AKNA: variants seen among roughly 807,000 people sequenced by gnomAD.
AKNA encodes the protein microtubule organization protein AKNA.
AKNA carries 67 observed loss-of-function variants against 138.8 expected under a neutral mutation model. That is an observed-to-expected ratio of 0.48 (90% CI 0.40 to 0.59). The LOEUF (loss-of-function observed/expected upper bound fraction) is 0.59. AKNA is among the 20% of genes least tolerant of loss of function. The pLI, the probability that AKNA is intolerant of heterozygous loss-of-function variation, is 0.00. For synonymous variants in AKNA, 737 were observed against 754.4 expected (o/e 0.98, Z 0.38); for missense variants, 1,813 against 1,880.4 (o/e 0.96, Z 0.66).
chr9:114,389,306 C>A (rs945628870), upstream of AKNA, among the ~76,000 whole-genome samples: 2 of 152,054 alleles, frequency 1.3e-5, no homozygotes, highest in African/African-American at 2.4e-5. Context: ...CACCCAGGAC[C>A]CAGAGACTCT....
At chr9:114,374,212 T>C in intron 3 of AKNA, 45 bp from the exon 4 acceptor site, 1 of 1,533,160 alleles carries the variant, frequency 6.5e-7, no homozygotes, top group Non-Finnish European at 8.8e-7. Flanking sequence ...AGGCACACAA[T>C]GAACCCCTCC....
intron 5 of AKNA, 79 bp from the exon 6 acceptor site, chr9:114,367,776 C>T: frequency 7.0e-7 from 1 of 1,438,528 alleles, no homozygotes. Flanking sequence ...AACGTCAAAG[C>T]CACCACCTCC....
At chr9:114,354,392 C>A (rs910028024) in intron 14 of AKNA, among the ~76,000 whole-genome samples, 1 of 152,116 alleles carries the variant, frequency 6.6e-6, no homozygotes, top group South Asian at 2.1e-4. Context: ...GAATACCTCT[C>A]GAAGGACTAC....
intron 21 of AKNA, among the ~76,000 whole-genome samples, chr9:114,340,904 C>T (rs921002740): frequency 7.2e-5 from 11 of 152,202 alleles, no homozygotes; most frequent in Non-Finnish European, 1.0e-4. Flanking sequence ...GCATGGCAAT[C>T]GCATACCACA....
At position 114,381,109 on chromosome 9, in the gene AKNA, C is replaced by T. The variant is rs764434529; in HGVS notation, c.225G>A (p.Pro75=). The T allele has an allele frequency of 6.5e-5, 105 of 1,606,512 alleles. No homozygotes were observed. The highest frequency in any genetic ancestry group is 2.0e-4 in the East Asian group (9 of 44,818). ...HLPPLEWDPH[P]QPDGHQDSES... ...CGGAATCCTGATGCCCATCGGGCTG[C>T]GGGTGTGGGTCCCACTCCAGGGGCG... The change falls in exon 2 of 22, where the codon CCG becomes CCA. Residue 75 remains proline (P), a synonymous_variant. Transcript: ENST00000374088.
At position 114,350,530 on chromosome 9, in the gene AKNA, A is replaced by G. The variant is rs549925424; in HGVS notation, c.3221+329T>C. On this transcript the variant is annotated intron_variant, in intron 15 of 21. Coordinates refer to ENST00000374088, the MANE Select transcript of AKNA (RefSeq NM_001317950.2). ...AGTAGCTTCTTGGTCCATACAATCA[A>G]TGGTCAAATTGCAGAAAAGATAGCC... 4.6e-5 allele frequency among the ~76,000 whole-genome samples: 7 copies of G among 152,366 alleles called. No homozygotes were observed. In the East Asian group the frequency reaches 1.2e-3, roughly 25 times the overall value.
downstream of AKNA, chr9:114,333,110 G>T: frequency 6.3e-7 from 1 of 1,582,102 alleles, no homozygotes; most frequent in South Asian, 1.2e-5. Context: ...AGAAGGAGAG[G>T]AAACAGGAGG....
upstream of AKNA, among the ~76,000 whole-genome samples, chr9:114,395,916 A>G (rs1834518765): frequency 6.6e-6 from 1 of 152,106 alleles, no homozygotes; most frequent in African/African-American, 2.4e-5. Context: ...ACACCAGCAC[A>G]CCCTGCACAC....
chr9:114,350,882 G>C lies in AKNA; in HGVS notation c.3198C>G (p.Phe1066Leu). The C allele has an allele frequency of 6.3e-7, 1 of 1,578,796 alleles. No homozygotes were observed. Among genetic ancestry groups the C allele is most frequent in the East Asian group, 2.3e-5 (1 of 43,980 alleles). The change falls in exon 15 of 22, where the codon TTC becomes TTG. Residue 1066 changes from phenylalanine to leucine, a missense_variant. Coordinates refer to ENST00000374088, the MANE Select transcript of AKNA (RefSeq NM_001317950.2). Reference sequence around the variant, plus strand: ...ACTCTCGCCCTGCCCTGGTGAGCAGGAAGCTGGGGATGGTCTCTGTTGGTC... The same window carrying C: ...ACTCTCGCCCTGCCCTGGTGAGCAGCAAGCTGGGGATGGTCTCTGTTGGTC... Reference protein sequence around the residue: ...PCGPTETIPSFLLTRAGRDQA... With the variant: ...PCGPTETIPSLLLTRAGRDQA...
chr9:114,350,125 C>T (rs1831001031), intron 15 of AKNA, among the ~76,000 whole-genome samples: 1 of 152,182 alleles, frequency 6.6e-6, no homozygotes, highest in African/African-American at 2.4e-5. Flanking sequence ...CAAGGCCTGG[C>T]ATACCCTAGA....
chr9:114,370,607 G>A (rs1307346589), intron 4 of AKNA, among the ~76,000 whole-genome samples: 1 of 151,998 alleles, frequency 6.6e-6, no homozygotes, highest in African/African-American at 2.4e-5. Flanking sequence ...GACACAGCCA[G>A]GGTGTCCCGG....
downstream of AKNA, among the ~76,000 whole-genome samples, chr9:114,332,673 C>A (rs1030103839): frequency 6.6e-6 from 1 of 152,122 alleles, no homozygotes; most frequent in South Asian, 2.1e-4. Context: ...AGTCAGCTCA[C>A]TTGATCCACA....
upstream of AKNA, among the ~76,000 whole-genome samples, chr9:114,394,575 A>G (rs1834470673): frequency 6.6e-6 from 1 of 152,226 alleles, no homozygotes; most frequent in Non-Finnish European, 1.5e-5. Context: ...AACACATGAA[A>G]ATCACTAAAA....
intron 3 of AKNA, among the ~76,000 whole-genome samples, chr9:114,375,713 CG>C (rs1767344109): frequency 6.6e-6 from 1 of 151,802 alleles, no homozygotes; most frequent in South Asian, 2.1e-4. Context: ...GAAAGGTTTT[CG>C]GGGCTGCTAA....
downstream of AKNA, chr9:114,331,978 G>A (rs763971056): frequency 1.3e-6 from 2 of 1,547,088 alleles, no homozygotes; most frequent in Admixed American, 1.7e-5. Flanking sequence ...GGCCCAACTT[G>A]GGCAGCCCCA....
downstream of AKNA, among the ~76,000 whole-genome samples, chr9:114,331,190 T>C (rs576098326): frequency 3.3e-5 from 5 of 152,226 alleles, no homozygotes; most frequent in Non-Finnish European, 5.9e-5. Flanking sequence ...TAGAAGCCTG[T>C]ATGTTGGAGA....
At position 114,345,874 on chromosome 9, in the gene AKNA, C is replaced by T. The variant is rs1202905649; in HGVS notation, c.3650G>A (p.Gly1217Asp). Residue 1217 changes from glycine (G) to aspartate (D), a missense_variant, in exon 18 of 22, where the codon GGC becomes GAC. By Grantham distance (94) the Gly-to-Asp change is moderately conservative. Coordinates refer to ENST00000374088, the MANE Select transcript of AKNA (RefSeq NM_001317950.2). The stretch of plus-strand genomic sequence containing the variant: ...CCCTCCTGACCTACCTGTGTATTGG[C>T]CCCGGAAGGTGACCCTGTCTGGCCA... ...AGWPDRVTFR[G>D]QYTGHEYHVL... 1.2e-6 allele frequency: 2 copies of T among 1,613,936 alleles called. No homozygotes were observed. Among genetic ancestry groups the T allele is most frequent in the Non-Finnish European group, 1.7e-6 (2 of 1,179,986 alleles).
chr9:114,337,183 C>G lies in AKNA; in HGVS notation c.4191G>C (p.Glu1397Asp). The G allele has an allele frequency of 6.2e-7, 1 of 1,609,980 alleles. No homozygotes were observed. Among genetic ancestry groups the G allele is most frequent in the Non-Finnish European group, 8.5e-7 (1 of 1,177,166 alleles). Residue 1397 changes from glutamate to aspartate, a missense_variant, in exon 22 of 22, where the codon GAG (glutamate) becomes GAC (aspartate). Physicochemically the swap from Glu to Asp is conservative, Grantham distance 45. Coordinates refer to ENST00000374088, the MANE Select transcript of AKNA (RefSeq NM_001317950.2). ...SIQLDLGDLE[E>D]LNKALSRAVQ... ...CGGCCCGGCTCAGGGCCTTGTTGAG[C>G]TCCTCTAGGTCGCCCAGGTCGAGCT...
intron 3 of AKNA, among the ~76,000 whole-genome samples, chr9:114,375,104 C>G (rs1397932721): frequency 6.6e-6 from 1 of 152,180 alleles, no homozygotes; most frequent in Non-Finnish European, 1.5e-5. Flanking sequence ...CAAAACTCCC[C>G]ACGCCCGTGG....
Sources: allele counts gnomAD v4.1 joint callset (sites outside exome capture counted in the v4.1 genomes callset), GRCh38; gene constraint gnomAD v4.1.1; transcripts MANE v1.5; gene names NCBI Gene and HGNC (gene_info 2026-07-23, HGNC 2026-07-21).